The following PTDSS2 variants were observed in gnomAD, a reference collection of about 807,000 sequenced individuals.
PTDSS2 encodes PSS-2.
In PTDSS2, 41 loss-of-function variants were observed where a neutral mutation model predicts 64.7. That is an observed-to-expected ratio of 0.63 (90% CI 0.49 to 0.82). PTDSS2 has a LOEUF of 0.82. PTDSS2 is among the 40% of genes least tolerant of loss of function. PTDSS2 has a pLI of 0.00. For synonymous variants in PTDSS2, 297 were observed against 277.8 expected (o/e 1.07, Z -0.69); for missense variants, 485 against 650.0 (o/e 0.75, Z 2.76).
intron 1 of PTDSS2, chr11:459,852 C>T (rs1037069507): frequency 2.3e-5 from 7 of 298,962 alleles, no homozygotes; most frequent in East Asian, 7.4e-5. Context: ...GTGAAAAGCG[C>T]GTGTTTTACG....
intron 3 of PTDSS2, among the ~76,000 whole-genome samples, chr11:474,415 G>A (rs1442419608): frequency 6.8e-6 from 1 of 147,374 alleles, no homozygotes. Context: ...GCCAGATGGG[G>A]CTGTGAGGCC....
At chr11:465,820 T>C (rs1847115970) in intron 2 of PTDSS2, among the ~76,000 whole-genome samples, 1 of 150,914 alleles carries the variant, frequency 6.6e-6, no homozygotes, top group Non-Finnish European at 1.5e-5. Context: ...TACATGCCTG[T>C]GGTTCCAGGT....
In PTDSS2 at chr11:461,351, C is replaced by A. The variant is rs1846873819; in HGVS notation, c.284+1063C>A. 6.6e-6 allele frequency among the ~76,000 whole-genome samples: 1 copy of A among 152,136 alleles called. No homozygotes were observed. Among genetic ancestry groups the A allele is most frequent in the Admixed American group, 6.5e-5 (1 of 15,276 alleles). ...TCTAGAACACAAGCATGCCCAGTGC[C>A]CTGTCTGTAGGGGAGCGGATGCTTT... On this transcript the variant is annotated intron_variant, in intron 2 of 11. Coordinates refer to ENST00000308020, the MANE Select transcript of PTDSS2 (RefSeq NM_030783.3). This position sits in a 1 kb window ranked among gnomAD's most constrained non-coding sequence, Gnocchi z 4.2.
At chr11:489,242 G>C in intron 8 of PTDSS2, 158 bp from the exon 9 acceptor site, 1 of 637,332 alleles carries the variant, frequency 1.6e-6, no homozygotes, top group East Asian at 2.7e-5. Context: ...AACAGAGTCT[G>C]TGGCCCGATG....
intron 3 of PTDSS2, among the ~76,000 whole-genome samples, chr11:474,998 T>A (rs1397690010): frequency 1.0e-5 from 1 of 96,088 alleles, no homozygotes; most frequent in Non-Finnish European, 2.2e-5. Context: ...TACGGACATA[T>A]TCACGAGTTT....
chr11:474,360 C>G (rs1390983643), intron 3 of PTDSS2, among the ~76,000 whole-genome samples: 1 of 131,708 alleles, frequency 7.6e-6, no homozygotes, highest in East Asian at 2.4e-4. Context: ...ACTGTGGGCT[C>G]TAGGTGGGAC....
At chr11:457,258 C>T (rs1299962551) in intron 1 of PTDSS2, among the ~76,000 whole-genome samples, 1 of 152,238 alleles carries the variant, frequency 6.6e-6, no homozygotes, top group Non-Finnish European at 1.5e-5. Flanking sequence ...AGGTGACACG[C>T]CCATGCACCG....
chr11:484,869 TGC>T (rs2133828374), intron 4 of PTDSS2, among the ~76,000 whole-genome samples: 1 of 139,144 alleles, frequency 7.2e-6, no homozygotes, highest in Non-Finnish European at 1.5e-5. Flanking sequence ...GTGCTCACTG[TGC>T]GCAGGCGTCT....
chr11:472,846 C>T (rs1398465529), intron 2 of PTDSS2, among the ~76,000 whole-genome samples: 1 of 152,236 alleles, frequency 6.6e-6, no homozygotes, highest in Non-Finnish European at 1.5e-5. Flanking sequence ...TGCAGCTTCC[C>T]TCACGGCAGC....
chr11:472,941 G>T (rs956148899), intron 2 of PTDSS2, among the ~76,000 whole-genome samples: 1 of 152,222 alleles, frequency 6.6e-6, no homozygotes, highest in African/African-American at 2.4e-5. Context: ...GGGACTGGGT[G>T]GTGCAGCGGC....
In PTDSS2 at chr11:470,156, C is replaced by T. The variant is rs1032268397; in HGVS notation, c.285-3739C>T. ...TGACCTCCTTCCTGGGCGTGCAGCA[C>T]GGAGAGGGCAGTGGGAGGAGGACGC... On this transcript the variant is annotated intron_variant, in intron 2 of 11. Transcript: ENST00000308020. This position sits in a 1 kb window ranked among gnomAD's most constrained non-coding sequence, Gnocchi z 5.3. Among the ~76,000 whole-genome samples the T allele has an allele frequency of 3.9e-5, 6 of 152,292 alleles. No homozygotes were observed. Among genetic ancestry groups the T allele is most frequent in the South Asian group, 2.1e-4 (1 of 4,820 alleles).
chr11:485,411 CAG>C (rs140209318), intron 4 of PTDSS2, among the ~76,000 whole-genome samples: 3 of 133,142 alleles, frequency 2.3e-5, no homozygotes, highest in East Asian at 4.7e-4. Context: ...CGACCGTAAA[CAG>C]TGCACGGACG....
rs778559745 is a variant in PTDSS2 at position 450,308 on chromosome 11, G to T, written c.-148G>T. 1.7e-6 allele frequency: 1 copy of T among 578,390 alleles called. No homozygotes were observed. 35.8% of individuals were successfully genotyped at this position (578,390 alleles called of 1,614,324 possible). A position where few individuals can be genotyped will look rare whatever the true frequency, so the allele number is the denominator to read the frequency against. ...TGCACCGCACACCCTTTACTGGCCG[G>T]CCCCGCGCTGCTCTCCTAAGACCCC... On this transcript the variant is annotated 5_prime_UTR_variant, in exon 1 of 12. Coordinates refer to ENST00000308020, the MANE Select transcript of PTDSS2 (RefSeq NM_030783.3).
chr11:463,810 T>G (rs1847016472), intron 2 of PTDSS2: 1 of 152,178 alleles, frequency 6.6e-6, no homozygotes, highest in African/African-American at 2.4e-5. Context: ...CCTCCCAAAG[T>G]GCTGGGATTA....
intron 4 of PTDSS2, among the ~76,000 whole-genome samples, chr11:481,317 G>T (rs893243103): frequency 1.3e-5 from 2 of 152,148 alleles, no homozygotes; most frequent in African/African-American, 4.8e-5. Flanking sequence ...TTTTCAAGAT[G>T]GTTTTGAATC....
At position 460,465 on chromosome 11, in the gene PTDSS2, G is replaced by C. The variant is rs995810109; in HGVS notation, c.284+177G>C. The C allele has an allele frequency of 1.7e-6, 1 of 579,912 alleles. No individual in the cohort carries two copies. The highest frequency in any genetic ancestry group is 1.9e-5 in the African/African-American group (1 of 53,370). 35.9% of individuals were successfully genotyped at this position (579,912 alleles called of 1,614,324 possible). A position where few individuals can be genotyped will look rare whatever the true frequency, so the allele number is the denominator to read the frequency against. ...TGCAGACTCCAGGGCTGCCCTTGGT[G>C]CTGCGTGGCGTTCCCGGTCAGCCCC... On this transcript the variant is annotated intron_variant, in intron 2 of 11. Coordinates refer to ENST00000308020, the MANE Select transcript of PTDSS2 (RefSeq NM_030783.3). This position sits in a 1 kb window ranked among gnomAD's most constrained non-coding sequence, Gnocchi z 5.8.
Position 461,483 on chromosome 11 carries a change from C to T in PTDSS2, c.284+1195C>T, listed in dbSNP as rs1353093052. ...GGTGCCTGGACCCAGGACTCTGCAG[C>T]CTGCTCCCCAGATGAGCTCACCCTC... On this transcript the variant is annotated intron_variant, in intron 2 of 11. Coordinates refer to ENST00000308020, the MANE Select transcript of PTDSS2 (RefSeq NM_030783.3). This position sits in a 1 kb window ranked among gnomAD's most constrained non-coding sequence, Gnocchi z 4.2. 6.6e-6 allele frequency among the ~76,000 whole-genome samples: 1 copy of T among 152,112 alleles called. No homozygotes were observed. Among genetic ancestry groups the T allele is most frequent in the East Asian group, 1.9e-4 (1 of 5,182 alleles).
intron 1 of PTDSS2, chr11:459,177 C>T (rs112233402): frequency 1.4e-4 from 6 of 43,170 alleles, no homozygotes; most frequent in African/African-American, 6.9e-4. Context: ...GACGTGAGGA[C>T]ACACTCCGGT....
rs117196656 is a variant in PTDSS2, at chr11:453,593, G to T, written c.182+2956G>T. 5.1e-3 allele frequency among the ~76,000 whole-genome samples: 778 copies of T among 152,320 alleles called. 1 individual carries two copies. Among genetic ancestry groups the T allele is most frequent in the Non-Finnish European group, 8.4e-3 (573 of 68,030 alleles). ...GAAGATGCCTTTCTCCATCATCCTG[G>T]ATCGGGGCTTTCCCAGCTTTGCCTA... On this transcript the variant is annotated intron_variant, in intron 1 of 11. Coordinates refer to ENST00000308020, the MANE Select transcript of PTDSS2 (RefSeq NM_030783.3).
Sources: allele counts gnomAD v4.1 joint callset (sites outside exome capture counted in the v4.1 genomes callset), GRCh38; gene constraint gnomAD v4.1.1; non-coding constraint Gnocchi (gnomAD v3.1); transcripts MANE v1.5; gene names NCBI Gene and HGNC (gene_info 2026-07-23, HGNC 2026-07-21).